NLK: variants seen among roughly 807,000 people sequenced by gnomAD.
NLK encodes serine/threonine-protein kinase NLK.
NLK carries 11 observed loss-of-function variants against 59.0 expected under a neutral mutation model. The observed-to-expected ratio is 0.19, with a 90% confidence interval of 0.12 to 0.31. The LOEUF (loss-of-function observed/expected upper bound fraction) is 0.31. Among genes scored for constraint, NLK ranks in the 10% least tolerant of loss-of-function variants. NLK has a pLI of 1.00. For synonymous variants in NLK, 235 were observed against 235.9 expected, an observed-to-expected ratio of 1.00 and a Z score of 0.03; for missense variants, 410 against 661.1, an observed-to-expected ratio of 0.62 and a Z score of 4.16.
intron 1 of NLK, among the ~76,000 whole-genome samples, chr17:28,119,982 A>G (rs767711970): frequency 1.3e-5 from 2 of 152,322 alleles, no homozygotes; most frequent in Admixed American, 1.3e-4. Context: ...GCAGTCATGA[A>G]AGACATGCCA....
At chr17:28,075,900 T>G (rs1345281247) in intron 1 of NLK, among the ~76,000 whole-genome samples, 1 of 152,170 alleles carries the variant, frequency 6.6e-6, no homozygotes, top group Non-Finnish European at 1.5e-5. Flanking sequence ...GGGTGGGATA[T>G]AGATAAAAGC....
chr17:28,180,509 G>A (rs957011240), intron 7 of NLK, among the ~76,000 whole-genome samples: 1 of 152,158 alleles, frequency 6.6e-6, no homozygotes, highest in Admixed American at 6.5e-5. Flanking sequence ...GTGTACTGGT[G>A]CAGTTTAACA....
At chr17:28,093,765 A>G (rs191911824) in intron 1 of NLK, among the ~76,000 whole-genome samples, 1 of 152,366 alleles carries the variant, frequency 6.6e-6, no homozygotes, top group East Asian at 1.9e-4. Context: ...TGAAAAATGA[A>G]GATAACAATT....
chr17:28,126,698 C>CAA (rs968373668), intron 2 of NLK, among the ~76,000 whole-genome samples: 20 of 152,272 alleles, frequency 1.3e-4, no homozygotes, highest in African/African-American at 4.6e-4. Context: ...CACACATACA[C>CAA]ACACACATCT....
chr17:28,162,598 C>T (rs1350397664), intron 4 of NLK, among the ~76,000 whole-genome samples: 1 of 152,108 alleles, frequency 6.6e-6, no homozygotes, highest in African/African-American at 2.4e-5. Flanking sequence ...GATCGCGTCA[C>T]TGCACTCCAT....
chr17:28,061,863 C>CATATACATATATATAAT (rs1216266697), intron 1 of NLK: 5 of 138,150 alleles, frequency 3.6e-5, no homozygotes, highest in Non-Finnish European at 6.1e-5. Context: ...ATAATATATA[C>CATATACATATATATAAT]ATATACATAT....
At chr17:28,147,200 T>C (rs1907292593) in intron 3 of NLK, among the ~76,000 whole-genome samples, 2 of 152,190 alleles carry the variant, frequency 1.3e-5, no homozygotes, top group East Asian at 1.9e-4. Flanking sequence ...TTATTGATGC[T>C]AATGATGATG....
At chr17:28,199,355 T>A (rs1909561752), downstream of NLK, among the ~76,000 whole-genome samples, 1 of 151,810 alleles carries the variant, frequency 6.6e-6, no homozygotes, top group Admixed American at 6.6e-5. Flanking sequence ...CCCAGCTATT[T>A]GGGAGGCTGA....
chr17:28,145,091 C>T (rs1205906379), intron 3 of NLK, among the ~76,000 whole-genome samples: 6 of 152,238 alleles, frequency 3.9e-5, no homozygotes, highest in African/African-American at 7.2e-5. Flanking sequence ...AAAAATTACA[C>T]GTTTAATTGA....
chr17:28,131,307 A>C (rs565909869), intron 2 of NLK, among the ~76,000 whole-genome samples: 3 of 152,026 alleles, frequency 2.0e-5, no homozygotes, highest in Non-Finnish European at 4.4e-5. Context: ...TTTTTTTTTA[A>C]TATGAGAAAA....
In NLK at chr17:28,120,770, A is replaced by G. The variant is rs376951000; in HGVS notation, c.459-1833A>G. On this transcript the variant is annotated intron_variant, in intron 1 of 10. Transcript: ENST00000407008. ...CTAGAATACATCATTTCAGAGTTTC[A>G]TGAGCACTTAGAAAAGGAAGTAGTG... is the stretch of plus-strand genomic sequence containing the variant. Among the ~76,000 whole-genome samples the G allele has an allele frequency of 6.6e-5, 10 of 152,386 alleles. 1 individual carries two copies. Among genetic ancestry groups the G allele is most frequent in the African/African-American group, 2.2e-4 (9 of 41,592 alleles).
chr17:28,066,971 G>A (rs1470474103), intron 1 of NLK, among the ~76,000 whole-genome samples: 1 of 152,144 alleles, frequency 6.6e-6, no homozygotes, highest in Admixed American at 6.5e-5. Flanking sequence ...GGTTTTGAAT[G>A]ATCTTTACAT....
At chr17:28,058,834 T>A (rs1015282901) in intron 1 of NLK, among the ~76,000 whole-genome samples, 1 of 151,922 alleles carries the variant, frequency 6.6e-6, no homozygotes, top group Non-Finnish European at 1.5e-5. Context: ...GAAAGAAGAG[T>A]ACCGTCAGCA....
At chr17:28,205,544 C>T in the NLK span, among the ~76,000 whole-genome samples, 1 of 152,172 alleles carries the variant, frequency 6.6e-6, no homozygotes, top group Non-Finnish European at 1.5e-5. Context: ...TAAAAAATCA[C>T]TTTGTGTTTT....
chr17:28,058,251 C>T (rs1229098996), intron 1 of NLK, among the ~76,000 whole-genome samples: 1 of 152,124 alleles, frequency 6.6e-6, no homozygotes, highest in Non-Finnish European at 1.5e-5. Flanking sequence ...ACTTAAAGTA[C>T]CTCAGCAGGA....
At chr17:28,061,838 A>G (rs1183334702) in intron 1 of NLK, 1 of 146,170 alleles carries the variant, frequency 6.8e-6, no homozygotes, top group Admixed American at 6.9e-5. Context: ...ATATACATAT[A>G]CATATATATA....
At chr17:28,064,669 A>G (rs1350988608) in intron 1 of NLK, among the ~76,000 whole-genome samples, 1 of 152,214 alleles carries the variant, frequency 6.6e-6, no homozygotes. Context: ...AGTAGCTGGG[A>G]CTACAGGTAT....
intron 1 of NLK, among the ~76,000 whole-genome samples, chr17:28,119,815 C>T (rs1448830331): frequency 2.0e-5 from 3 of 152,174 alleles, no homozygotes; most frequent in South Asian, 2.1e-4. Context: ...GACATACTGA[C>T]ATTATATGCC....
At chr17:28,179,354 C>T (rs958861757) in intron 7 of NLK, among the ~76,000 whole-genome samples, 25 of 152,170 alleles carry the variant, frequency 1.6e-4, no homozygotes, top group African/African-American at 4.8e-4. Context: ...CTCAGCCTCT[C>T]GAATAACTGG....
Sources: allele counts gnomAD v4.1 joint callset (sites outside exome capture counted in the v4.1 genomes callset), GRCh38; gene constraint gnomAD v4.1.1; transcripts MANE v1.5; gene names NCBI Gene and HGNC (gene_info 2026-07-23, HGNC 2026-07-21).